The following PDIA5 variants were observed in gnomAD, a reference collection of about 807,000 sequenced individuals.
PDIA5 encodes protein disulfide isomerase family A member 5.
Under a neutral mutation model 77.6 loss-of-function variants are expected in PDIA5, and 58 were observed. The ratio of observed to expected loss-of-function variants is 0.75; its 90% CI spans 0.61 to 0.93. The LOEUF (loss-of-function observed/expected upper bound fraction) is 0.93. PDIA5 is among the 40% of genes least tolerant of loss of function. The pLI is 0.00. For missense variants in PDIA5, 630 were observed against 647.7 expected (o/e 0.97, Z 0.30); for synonymous variants, 250 against 252.1 (o/e 0.99, Z 0.08).
In PDIA5 at chr3:123,146,064, G is replaced by A. The variant is rs565881082; in HGVS notation, c.982-35G>A. ...GTGTTCCACCAGCACCGCATCTGAG[G>A]CTGTAATGCATGGTTGGCCTTTCCC... On this transcript the variant is annotated intron_variant, in intron 12 of 16. Coordinates refer to ENST00000316218, the MANE Select transcript of PDIA5 (RefSeq NM_006810.4). The A allele has an allele frequency of 2.6e-5, 41 of 1,605,504 alleles. 1 individual carries two copies. The South Asian group carries it at 3.5e-4, about 14-fold the overall frequency.
At chr3:123,085,721 C>T (rs554369590) in intron 1 of PDIA5, among the ~76,000 whole-genome samples, 58 of 152,278 alleles carry the variant, frequency 3.8e-4, no homozygotes, top group African/African-American at 1.3e-3. Context: ...GTTCCAGAAG[C>T]GTGGGTGCCT....
chr3:123,114,109 G>A (rs28639917), intron 7 of PDIA5, among the ~76,000 whole-genome samples: 11 of 152,216 alleles, frequency 7.2e-5, no homozygotes, highest in Non-Finnish European at 1.2e-4. Context: ...ACAACTGGCC[G>A]ACTTATCCTC....
intron 5 of PDIA5, among the ~76,000 whole-genome samples, chr3:123,105,019 AC>A (rs1218823897): frequency 4.6e-5 from 7 of 152,226 alleles, no homozygotes; most frequent in African/African-American, 1.4e-4. Context: ...GTCAGTTGTT[AC>A]GTTAAAAGGC....
intron 11 of PDIA5, among the ~76,000 whole-genome samples, chr3:123,136,023 T>C (rs1474314148): frequency 6.6e-6 from 1 of 152,014 alleles, no homozygotes; most frequent in East Asian, 1.9e-4. Flanking sequence ...CTCAAACTCC[T>C]GGGCTTAAAT....
At chr3:123,127,179 G>T (rs1296574838) in intron 10 of PDIA5, among the ~76,000 whole-genome samples, 1 of 152,166 alleles carries the variant, frequency 6.6e-6, no homozygotes, top group African/African-American at 2.4e-5. Flanking sequence ...CTTAGATGAG[G>T]TTCTGATTGT....
intron 1 of PDIA5, among the ~76,000 whole-genome samples, chr3:123,086,562 A>G (rs1934143214): frequency 6.6e-6 from 1 of 152,228 alleles, no homozygotes; most frequent in East Asian, 1.9e-4. Context: ...TCTCAGTATG[A>G]CCAAGCATAT....
At chr3:123,160,404 T>C (rs1405051275) in intron 15 of PDIA5, among the ~76,000 whole-genome samples, 1 of 152,226 alleles carries the variant, frequency 6.6e-6, no homozygotes, top group African/African-American at 2.4e-5. Context: ...GTGGCCAATG[T>C]GGGAACCACT....
chr3:123,113,795 A>C (rs931437668), intron 7 of PDIA5, among the ~76,000 whole-genome samples: 1 of 152,198 alleles, frequency 6.6e-6, no homozygotes, highest in Admixed American at 6.5e-5. Flanking sequence ...TTTGGTGGTG[A>C]CAAGGAACCT....
At chr3:123,144,816 A>T (rs906340517) in intron 11 of PDIA5, 1 of 152,178 alleles carries the variant, frequency 6.6e-6, no homozygotes, top group Non-Finnish European at 1.5e-5. Flanking sequence ...TGAACCCAGG[A>T]GGCGGAGCTT....
At chr3:123,093,584 T>C (rs753169434) in intron 3 of PDIA5, among the ~76,000 whole-genome samples, 4 of 152,188 alleles carry the variant, frequency 2.6e-5, no homozygotes, top group African/African-American at 4.8e-5. Context: ...TTGACTTAGT[T>C]GTTGTCTCCA....
intron 4 of PDIA5, 52 bp downstream of exon 4, chr3:123,102,546 T>G (rs775080547): frequency 9.0e-6 from 12 of 1,334,274 alleles, no homozygotes; most frequent in South Asian, 5.9e-5. Context: ...AATGCTTTCA[T>G]TGGTATTTTC....
chr3:123,068,779 C>T (rs1272077759), intron 1 of PDIA5, among the ~76,000 whole-genome samples: 1 of 152,220 alleles, frequency 6.6e-6, no homozygotes, highest in Non-Finnish European at 1.5e-5. Flanking sequence ...TCTGGTGTTG[C>T]CCTGGATTGG....
intron 7 of PDIA5, among the ~76,000 whole-genome samples, chr3:123,111,878 T>C (rs955236698): frequency 5.3e-5 from 8 of 152,268 alleles, no homozygotes; most frequent in African/African-American, 1.9e-4. Context: ...GTTCTGTTTT[T>C]TTAAAAAATT....
intron 13 of PDIA5, among the ~76,000 whole-genome samples, chr3:123,148,290 G>A (rs60620069): frequency 9.9e-5 from 15 of 152,248 alleles, no homozygotes; most frequent in South Asian, 6.2e-4. Context: ...GAAACTGGCC[G>A]GGCACGGTGG....
chr3:123,130,718 G>T, intron 11 of PDIA5, 102 bp downstream of exon 11: 1 of 1,364,600 alleles, frequency 7.3e-7, no homozygotes, highest in Non-Finnish European at 1.0e-6. Flanking sequence ...TTATTTTTTG[G>T]ATGCCAGGAC....
intron 15 of PDIA5, among the ~76,000 whole-genome samples, chr3:123,155,927 A>C (rs1936011930): frequency 6.6e-6 from 1 of 152,102 alleles, no homozygotes; most frequent in South Asian, 2.1e-4. Context: ...TAGATGATAA[A>C]CAGGCCAAGC....
At chr3:123,093,972 A>G (rs1195033093) in intron 3 of PDIA5, among the ~76,000 whole-genome samples, 1 of 152,196 alleles carries the variant, frequency 6.6e-6, no homozygotes, top group Non-Finnish European at 1.5e-5. Context: ...CCTGGAAAAC[A>G]TGCAGCGCAG....
intron 7 of PDIA5, 62 bp downstream of exon 7, chr3:123,111,066 A>G: frequency 7.8e-6 from 5 of 641,744 alleles, no homozygotes; most frequent in South Asian, 1.4e-5. Flanking sequence ...GGTGGGAGGC[A>G]GGTGGGGGTT....
At chr3:123,134,635 C>T (rs1484489834) in intron 11 of PDIA5, among the ~76,000 whole-genome samples, 1 of 152,204 alleles carries the variant, frequency 6.6e-6, no homozygotes, top group African/African-American at 2.4e-5. Flanking sequence ...CCTCTCTCTC[C>T]CAGCAAGAGC....
Sources: gnomAD v4.1 joint callset for allele counts (sites outside exome capture counted in the v4.1 genomes callset) on GRCh38, gnomAD v4.1.1 for gene constraint, MANE v1.5 for transcripts, NCBI Gene and HGNC (gene_info 2026-07-23, HGNC 2026-07-21) for gene names.